The following RAB21 variants were observed in gnomAD, a reference collection of about 807,000 sequenced individuals.
The protein encoded by RAB21 is ras-related protein Rab-21.
In RAB21, 13 loss-of-function variants were observed where a neutral mutation model predicts 33.1. That is an observed-to-expected ratio of 0.39 (90% CI 0.26 to 0.62). The LOEUF (loss-of-function observed/expected upper bound fraction) is 0.62, where lower values mean the gene tolerates loss of function less well. Ranked by LOEUF, RAB21 falls within the 20% of genes least tolerant of loss-of-function variation. RAB21 has a pLI of 0.48. For synonymous variants in RAB21, 91 were observed against 103.7 expected, an observed-to-expected ratio of 0.88 and a Z score of 0.74; for missense variants, 234 against 279.1, an observed-to-expected ratio of 0.84 and a Z score of 1.15.
chr12:71,769,848 C>T lies in RAB21; in HGVS notation c.208C>T (p.Leu70Phe), dbSNP rs746391068. 2 of 1,374,918 alleles carry T rather than the reference C, an allele frequency of 1.5e-6. No homozygotes were observed. Among genetic ancestry groups the T allele is most frequent in the Non-Finnish European group, 1.9e-6 (2 of 1,040,068 alleles). 85.2% of individuals were successfully genotyped at this position (1,374,918 alleles called of 1,614,324 possible). A position where few individuals can be genotyped will look rare whatever the true frequency, so the allele number is the denominator to read the frequency against. Residue 70 changes from leucine (L) to phenylalanine (F), a missense_variant, in exon 2 of 7, where the codon CTT becomes TTT. Coordinates refer to ENST00000261263, the MANE Select transcript of RAB21 (RefSeq NM_014999.4). ...AAATATTGGTGGGAAAAGAGTAAAC[C>T]TTGCCATATGGGTAAGTGAACTTTT... ...KLNIGGKRVNLAIWDTAGQER... is the reference protein window; with the variant it reads ...KLNIGGKRVNFAIWDTAGQER...
At chr12:71,773,297 A>G (rs896088906) in intron 3 of RAB21, among the ~76,000 whole-genome samples, 2 of 152,180 alleles carry the variant, frequency 1.3e-5, no homozygotes, top group African/African-American at 4.8e-5. Flanking sequence ...CAATGCCTGG[A>G]GACATCTTTG....
rs1017233868 is a variant in RAB21 at position 71,793,291 on chromosome 12, T to C, written c.*7618T>C. The C allele has an allele frequency of 9.9e-5, 15 of 152,186 alleles. No homozygotes were observed. Among genetic ancestry groups the C allele is most frequent in the African/African-American group, 3.6e-4 (15 of 41,452 alleles). 9.4% of individuals were successfully genotyped at this position (152,186 alleles called of 1,614,324 possible). ...CAGAACACAATCCATTCCTGAGTCA[T>C]AGTAGGATAGTTTGTGTAATTCTAA... is the stretch of plus-strand genomic sequence containing the variant. On this transcript the variant is annotated 3_prime_UTR_variant, in exon 7 of 7. Transcript: ENST00000261263.
chr12:71,759,955 A>G (rs1882845432), intron 1 of RAB21, among the ~76,000 whole-genome samples: 1 of 152,220 alleles, frequency 6.6e-6, no homozygotes, highest in Admixed American at 6.5e-5. Context: ...GGATTATTAC[A>G]TAGACAGCCG....
chr12:71,781,410 A>C (rs1408814538), intron 4 of RAB21, among the ~76,000 whole-genome samples: 1 of 151,710 alleles, frequency 6.6e-6, no homozygotes, highest in Non-Finnish European at 1.5e-5. Flanking sequence ...CGGAGCTTGC[A>C]GTGAGCCGAG....
rs61754229 is a variant in RAB21 at position 71,785,564 on chromosome 12, C to A, written c.569C>A (p.Ala190Glu). 6.9e-4 allele frequency: 1,107 copies of A among 1,614,126 alleles called. No individual in the cohort carries two copies. Among genetic ancestry groups the A allele is most frequent in the Non-Finnish European group, 7.9e-4 (936 of 1,179,982 alleles). Residue 190 changes from alanine (A) to glutamate (E), a missense_variant, in exon 7 of 7, where the codon GCA (alanine) becomes GAA (glutamate). Physicochemically the swap from Ala to Glu is moderately radical, Grantham distance 107. Transcript: ENST00000261263. ...GAAACAGCACAAGTGGATGAGAGAG[C>A]AAAAGGCAATGGCTCTAGTCAGCCG... is the stretch of plus-strand genomic sequence containing the variant. ...MIETAQVDER[A>E]KGNGSSQPGT...
chr12:71,788,976 A>G lies in RAB21; in HGVS notation c.*3303A>G, dbSNP rs1363600966. 1 of 151,694 alleles carries G rather than the reference A, an allele frequency of 6.6e-6. No homozygotes were observed. Among genetic ancestry groups the G allele is most frequent in the African/African-American group, 2.4e-5 (1 of 41,332 alleles). The allele number at this position is 151,694 out of a possible 1,614,324, so 9.4% of individuals were successfully genotyped here. A position where few individuals can be genotyped will look rare whatever the true frequency, so the allele number is the denominator to read the frequency against. ...TGTTGCCTAAGAATACCCTAAAGCT[A>G]TGGCTGTTACTGCATTGAAATCTTT... On this transcript the variant is annotated 3_prime_UTR_variant, in exon 7 of 7. Coordinates refer to ENST00000261263, the MANE Select transcript of RAB21 (RefSeq NM_014999.4).
intron 3 of RAB21, among the ~76,000 whole-genome samples, chr12:71,773,022 T>C (rs758143051): frequency 6.6e-6 from 1 of 152,226 alleles, no homozygotes; most frequent in African/African-American, 2.4e-5. Context: ...TTTACAGATA[T>C]ATGTGTATTT....
At position 71,782,095 on chromosome 12, in the gene RAB21, G is replaced by A. The variant is rs569076470; in HGVS notation, c.446+10G>A. 1 of 1,603,878 alleles carries A rather than the reference G, an allele frequency of 6.2e-7. No homozygotes were observed. Among genetic ancestry groups the A allele is most frequent in the Admixed American group, 1.7e-5 (1 of 59,842 alleles). Reference sequence around the variant, plus strand: ...TTCAAGAAGCAGAGTCGTAAGTACTGTGACCCTCCCATTCCCCATCACTCC... The same window carrying A: ...TTCAAGAAGCAGAGTCGTAAGTACTATGACCCTCCCATTCCCCATCACTCC... On this transcript the variant is annotated intron_variant, in intron 5 of 6. Coordinates refer to ENST00000261263, the MANE Select transcript of RAB21 (RefSeq NM_014999.4).
At chr12:71,757,403 C>A (rs960507287) in intron 1 of RAB21, among the ~76,000 whole-genome samples, 1 of 152,176 alleles carries the variant, frequency 6.6e-6, no homozygotes, top group Non-Finnish European at 1.5e-5. Flanking sequence ...AGCCACTGCA[C>A]CTGGCCATAC....
In RAB21 at chr12:71,797,896, T is replaced by C. The variant is rs1356566303; in HGVS notation, c.*12223T>C. 6.6e-6 allele frequency: 1 copy of C among 152,052 alleles called. No homozygotes were observed. Among genetic ancestry groups the C allele is most frequent in the Non-Finnish European group, 1.5e-5 (1 of 68,022 alleles). 9.4% of individuals were successfully genotyped at this position (152,052 alleles called of 1,614,324 possible). On this transcript the variant is annotated 3_prime_UTR_variant, in exon 7 of 7. Transcript: ENST00000261263. ...GTAGCTATAGAGAACAAAGCTGGAT[T>C]CATACCTCATAAACCAAAATGCATT... is the stretch of plus-strand genomic sequence containing the variant.
intron 6 of RAB21, among the ~76,000 whole-genome samples, chr12:71,783,089 A>G (rs1883225565): frequency 6.6e-6 from 1 of 152,058 alleles, no homozygotes; most frequent in South Asian, 2.1e-4. Context: ...TTTAGGTGTG[A>G]TTATGGTATT....
Position 71,778,846 on chromosome 12 carries a change from G to C in RAB21, c.392-3185G>C, listed in dbSNP as rs1219945433. Among the ~76,000 whole-genome samples, 3 of 152,246 alleles carry C rather than the reference G, an allele frequency of 2.0e-5. No homozygotes were observed. In the East Asian group the frequency reaches 5.8e-4, roughly 29 times the overall value. On this transcript the variant is annotated intron_variant, in intron 4 of 6. Coordinates refer to ENST00000261263, the MANE Select transcript of RAB21 (RefSeq NM_014999.4). ...GCTAGATGAAGCCAGTAGGATGATG[G>C]TAGAGTGCGTTACCTGCAAGGCGTG...
Position 71,797,850 on chromosome 12 carries a change from T to G in RAB21, c.*12177T>G, listed in dbSNP as rs1476115703. 1.3e-5 allele frequency: 2 copies of G among 151,992 alleles called. No individual in the cohort carries two copies. Among genetic ancestry groups the G allele is most frequent in the Non-Finnish European group, 2.9e-5 (2 of 67,998 alleles). The allele number at this position is 151,992 out of a possible 1,614,324, so 9.4% of individuals were successfully genotyped here. A position where few individuals can be genotyped will look rare whatever the true frequency, so the allele number is the denominator to read the frequency against. On this transcript the variant is annotated 3_prime_UTR_variant, in exon 7 of 7. Transcript: ENST00000261263. ...AGTGGGGAAAATATGGTTTATTCATTAAAGGTAGTAGGACACTTGGGTAGC... is the reference window on the plus strand; with the variant it reads ...AGTGGGGAAAATATGGTTTATTCATGAAAGGTAGTAGGACACTTGGGTAGC...
At chr12:71,768,067 G>A (rs1349136875) in intron 1 of RAB21, among the ~76,000 whole-genome samples, 1 of 152,036 alleles carries the variant, frequency 6.6e-6, no homozygotes, top group African/African-American at 2.4e-5. Context: ...TCATTTTTCA[G>A]GTTACTTTGC....
Position 71,755,032 on chromosome 12 carries a change from G to T in RAB21, c.-98G>T. The T allele has an allele frequency of 4.0e-6, 4 of 992,770 alleles. No individual in the cohort carries two copies. The highest frequency in any genetic ancestry group is 4.8e-6 in the Non-Finnish European group (4 of 831,522). 61.5% of individuals were successfully genotyped at this position (992,770 alleles called of 1,614,324 possible). On this transcript the variant is annotated 5_prime_UTR_variant, in exon 1 of 7. Transcript: ENST00000261263. ...ACAGCGCCCGGGTCGGCGGGGCCGGGGCGGTGGGGGCTGAGCCGGCCGTGG... is the reference window on the plus strand; with the variant it reads ...ACAGCGCCCGGGTCGGCGGGGCCGGTGCGGTGGGGGCTGAGCCGGCCGTGG...
intron 3 of RAB21, among the ~76,000 whole-genome samples, chr12:71,773,374 C>T (rs986910486): frequency 6.6e-6 from 1 of 152,214 alleles, no homozygotes; most frequent in Non-Finnish European, 1.5e-5. Context: ...ACTAAACATA[C>T]ATTGCACAGA....
intron 4 of RAB21, among the ~76,000 whole-genome samples, chr12:71,779,786 C>T (rs2137655457): frequency 6.6e-6 from 1 of 152,142 alleles, no homozygotes; most frequent in South Asian, 2.1e-4. Flanking sequence ...TAGGTGCTTG[C>T]TTTGGTTATT....
intron 3 of RAB21, among the ~76,000 whole-genome samples, chr12:71,773,409 TC>T (rs1883071956): frequency 6.6e-6 from 1 of 152,224 alleles, no homozygotes; most frequent in African/African-American, 2.4e-5. Context: ...CAAAGAATTA[TC>T]TGTACTAAAA....
At chr12:71,767,732 G>A (rs1341754367) in intron 1 of RAB21, among the ~76,000 whole-genome samples, 4 of 152,132 alleles carry the variant, frequency 2.6e-5, no homozygotes, top group Admixed American at 6.6e-5. Context: ...ATGAGAAGGC[G>A]AATGTGATCA....
Sources: gnomAD v4.1 joint callset for allele counts (sites outside exome capture counted in the v4.1 genomes callset) on GRCh38, gnomAD v4.1.1 for gene constraint, MANE v1.5 for transcripts, NCBI Gene and HGNC (gene_info 2026-07-23, HGNC 2026-07-21) for gene names.